Variants in ARHGAP15 observed in about 807,000 individuals in gnomAD.
ARHGAP15 encodes Rho GTPase activating protein 15, also known as rho GTPase-activating protein 15.
A neutral mutation model predicts 63.7 loss-of-function variants in ARHGAP15; 51 were observed. The ratio of observed to expected loss-of-function variants is 0.80; its 90% CI spans 0.64 to 1.01. The LOEUF (loss-of-function observed/expected upper bound fraction) is 1.01, where lower values mean the gene tolerates loss of function less well. ARHGAP15 is among the 50% of genes least tolerant of loss of function. The probability of loss-of-function intolerance (pLI) is 0.00; values close to 1 mark genes in which losing one functional copy is unlikely to be tolerated. For synonymous variants in ARHGAP15, 191 were observed against 193.8 expected (o/e 0.99, Z 0.12); for missense variants, 560 against 564.6 (o/e 0.99, Z 0.08).
chr2:143,362,132 G>A (rs547745976), intron 6 of ARHGAP15, among the ~76,000 whole-genome samples: 8 of 152,086 alleles, frequency 5.3e-5, no homozygotes, highest in African/African-American at 1.9e-4. Flanking sequence ...ATTCCTAATC[G>A]CTTTCCCCAA....
In ARHGAP15 at chr2:143,416,134, T is replaced by TA. The variant is rs34883043; in HGVS notation, c.475-19454dup. Among the ~76,000 whole-genome samples the TA allele has an allele frequency of 2.9e-3, 411 of 140,722 alleles. 5 individuals carry two copies. The highest frequency in any genetic ancestry group is 0.018 in the East Asian group (91 of 4,946). 92.3% of individuals were successfully genotyped at this position (140,722 alleles called of 152,430 possible). A position where few individuals can be genotyped will look rare whatever the true frequency, so the allele number is the denominator to read the frequency against. ...CCCAATAACCTATGGAAATAATAAT[T>TA]AAAAAAAAAAAAACCTAGATGATGG... On this transcript the variant is annotated intron_variant, in intron 6 of 13. Coordinates refer to ENST00000295095, the MANE Select transcript of ARHGAP15 (RefSeq NM_018460.4).
intron 6 of ARHGAP15, among the ~76,000 whole-genome samples, chr2:143,417,478 T>C (rs1406717727): frequency 6.6e-6 from 1 of 152,172 alleles, no homozygotes; most frequent in African/African-American, 2.4e-5. Flanking sequence ...CTGTACTTAA[T>C]ATGGATAATT....
chr2:143,240,933 C>A (rs565000970), intron 5 of ARHGAP15, among the ~76,000 whole-genome samples: 1 of 151,970 alleles, frequency 6.6e-6, no homozygotes, highest in Non-Finnish European at 1.5e-5. Flanking sequence ...CACAGAAATC[C>A]ATGAAATTGA....
At chr2:143,153,068 G>A (rs1007710998) in intron 1 of ARHGAP15, among the ~76,000 whole-genome samples, 9 of 151,906 alleles carry the variant, frequency 5.9e-5, no homozygotes, top group East Asian at 1.9e-4. Flanking sequence ...GCAAATTATG[G>A]TTTGATTGTG....
At chr2:143,171,272 T>G (rs1690770433) in intron 2 of ARHGAP15, among the ~76,000 whole-genome samples, 1 of 152,124 alleles carries the variant, frequency 6.6e-6, no homozygotes, top group Admixed American at 6.6e-5. Context: ...GAGTTTATGA[T>G]GTGCAAACCC....
chr2:143,441,727 A>G (rs1349352893), intron 8 of ARHGAP15, among the ~76,000 whole-genome samples: 1 of 152,180 alleles, frequency 6.6e-6, no homozygotes, highest in Non-Finnish European at 1.5e-5. Context: ...TATTGGAAAT[A>G]AGCACCCTGA....
At chr2:143,149,141 C>A (rs1200545710) in intron 1 of ARHGAP15, among the ~76,000 whole-genome samples, 1 of 151,976 alleles carries the variant, frequency 6.6e-6, no homozygotes, top group African/African-American at 2.4e-5. Context: ...TTGTCATGAG[C>A]TCTTAGCAGA....
intron 13 of ARHGAP15, among the ~76,000 whole-genome samples, chr2:143,755,901 G>T (rs577273570): frequency 6.6e-6 from 1 of 152,220 alleles, no homozygotes; most frequent in South Asian, 2.1e-4. Flanking sequence ...GGGAGGCAGA[G>T]GTTGCAGCGA....
intron 6 of ARHGAP15, among the ~76,000 whole-genome samples, chr2:143,253,639 ACTT>A (rs1412102369): frequency 6.6e-6 from 1 of 151,800 alleles, no homozygotes; most frequent in Non-Finnish European, 1.5e-5. Context: ...CCTAATTGGT[ACTT>A]CTTAACAATA....
intron 6 of ARHGAP15, among the ~76,000 whole-genome samples, chr2:143,346,441 C>T (rs1301302641): frequency 6.6e-6 from 1 of 152,092 alleles, no homozygotes; most frequent in Non-Finnish European, 1.5e-5. Flanking sequence ...GTCTGTGAGG[C>T]TTCCATGTAC....
intron 11 of ARHGAP15, among the ~76,000 whole-genome samples, chr2:143,619,307 A>G (rs910764892): frequency 2.0e-5 from 3 of 152,180 alleles, no homozygotes; most frequent in Non-Finnish European, 4.4e-5. Flanking sequence ...AAGATACCCT[A>G]AAGGCTCTTC....
intron 4 of ARHGAP15, among the ~76,000 whole-genome samples, chr2:143,227,276 G>A (rs1473206594): frequency 6.6e-6 from 1 of 152,026 alleles, no homozygotes; most frequent in African/African-American, 2.4e-5. Context: ...CAAAAGCCGC[G>A]ATTTTACCAC....
At chr2:143,483,527 A>T (rs890197472) in intron 8 of ARHGAP15, among the ~76,000 whole-genome samples, 1 of 152,232 alleles carries the variant, frequency 6.6e-6, no homozygotes, top group African/African-American at 2.4e-5. Flanking sequence ...CATTCCAAAG[A>T]TGGACTTGAA....
chr2:143,505,320 A>G (rs1693260310), intron 9 of ARHGAP15, among the ~76,000 whole-genome samples: 1 of 152,216 alleles, frequency 6.6e-6, no homozygotes, highest in South Asian at 2.1e-4. Context: ...CAAGCATGCA[A>G]CAAACCTGGC....
intron 2 of ARHGAP15, among the ~76,000 whole-genome samples, chr2:143,167,868 G>A (rs1417513394): frequency 6.6e-6 from 1 of 152,112 alleles, no homozygotes; most frequent in East Asian, 1.9e-4. Context: ...TTTCATTAGA[G>A]TTGTGGTGTT....
intron 12 of ARHGAP15, among the ~76,000 whole-genome samples, chr2:143,677,464 A>G (rs1334062652): frequency 6.6e-6 from 1 of 152,058 alleles, no homozygotes; most frequent in Non-Finnish European, 1.5e-5. Flanking sequence ...AATTTGTACC[A>G]TTTTTCTGTG....
At chr2:143,485,918 A>G (rs952801334) in intron 8 of ARHGAP15, among the ~76,000 whole-genome samples, 6 of 152,214 alleles carry the variant, frequency 3.9e-5, no homozygotes, top group Non-Finnish European at 7.3e-5. Flanking sequence ...ATTGAAAAAT[A>G]AAATTCCACC....
intron 8 of ARHGAP15, among the ~76,000 whole-genome samples, chr2:143,467,999 TAGTTTA>T (rs995352377): frequency 6.6e-6 from 1 of 152,148 alleles, no homozygotes; most frequent in African/African-American, 2.4e-5. Context: ...ATGTTCGTTG[TAGTTTA>T]AGTTCATGTT....
At chr2:143,721,764 G>A (rs1685069657) in intron 13 of ARHGAP15, among the ~76,000 whole-genome samples, 1 of 151,734 alleles carries the variant, frequency 6.6e-6, no homozygotes, top group African/African-American at 2.4e-5. Flanking sequence ...TTGGCTCACT[G>A]CAAGCTCCGC....
Sources: allele counts gnomAD v4.1 joint callset (sites outside exome capture counted in the v4.1 genomes callset), GRCh38; gene constraint gnomAD v4.1.1; transcripts MANE v1.5; gene names NCBI Gene and HGNC (gene_info 2026-07-23, HGNC 2026-07-21).